Variants in CNIH1 observed in about 807,000 individuals in gnomAD.
The protein encoded by CNIH1 is cornichon family member 1.
A neutral mutation model predicts 20.2 loss-of-function variants in CNIH1; 12 were observed. The observed-to-expected ratio is 0.59, with a 90% CI of 0.38 to 0.96. The LOEUF is 0.96. Ranked by LOEUF, CNIH1 falls within the 40% of genes least tolerant of loss-of-function variation. The probability of loss-of-function intolerance (pLI) is 0.00; values close to 1 mark genes in which losing one functional copy is unlikely to be tolerated. For synonymous variants in CNIH1, 69 were observed against 63.3 expected (o/e 1.09, Z -0.43); for missense variants, 152 against 178.8 (o/e 0.85, Z 0.85).
chr14:54,435,259 C>A (rs1051484591), intron 2 of CNIH1, among the ~76,000 whole-genome samples: 3 of 151,994 alleles, frequency 2.0e-5, no homozygotes, highest in Non-Finnish European at 2.9e-5. Flanking sequence ...TACAAAAAAA[C>A]AAACTGGGTA....
chr14:54,433,578 A>C (rs2030991001), intron 2 of CNIH1, among the ~76,000 whole-genome samples: 1 of 152,216 alleles, frequency 6.6e-6, no homozygotes, highest in African/African-American at 2.4e-5. Flanking sequence ...GGACTCTGAA[A>C]CTCAAGGACT....
rs2030909839 is a variant in CNIH1 at position 54,430,366 on chromosome 14, T to C, written c.302A>G (p.Tyr101Cys). ...SRPVMSGPGL[Y>C]DPTTIMNADI... is the part of the protein sequence containing the mutation. Reference sequence around the variant, plus strand: ...TGCATTCATGATGGTTGTAGGGTCATAGAGTCCTGGGCCACTCATCACTGG... The same window carrying C: ...TGCATTCATGATGGTTGTAGGGTCACAGAGTCCTGGGCCACTCATCACTGG... The change falls in exon 4 of 5, where the codon TAT becomes TGT. Residue 101 changes from tyrosine to cysteine, a missense_variant. Transcript: ENST00000216416. 2 of 1,614,174 alleles carry C rather than the reference T, an allele frequency of 1.2e-6. No individual in the cohort carries two copies. The highest frequency in any genetic ancestry group is 1.7e-6 in the Non-Finnish European group (2 of 1,179,990).
chr14:54,433,041 G>A (rs747410555), intron 2 of CNIH1, among the ~76,000 whole-genome samples: 15 of 152,056 alleles, frequency 9.9e-5, no homozygotes, highest in Non-Finnish European at 2.1e-4. Flanking sequence ...AAATTAATTC[G>A]AGCAAAATGC....
Position 54,431,414 on chromosome 14 carries a change from C to T in CNIH1, c.263+694G>A, listed in dbSNP as rs548224716. Among the ~76,000 whole-genome samples, 3 of 152,334 alleles carry T rather than the reference C, an allele frequency of 2.0e-5. No individual in the cohort carries two copies. The South Asian group carries it at 6.2e-4, about 32-fold the overall frequency. On this transcript the variant is annotated intron_variant, in intron 3 of 4. Transcript: ENST00000216416. The stretch of plus-strand genomic sequence containing the variant: ...GTGCTGGGATTACAGGCGTGAGCCA[C>T]TGCGCCCGGCCAAGTACATTTTTTT...
At chr14:54,432,044 A>G (rs1594617022) in intron 3 of CNIH1, 64 bp downstream of exon 3, 4 of 778,746 alleles carry the variant, frequency 5.1e-6, no homozygotes, top group Non-Finnish European at 7.4e-6. Flanking sequence ...TAAGATAACC[A>G]TATCAACCAC....
At chr14:54,435,078 T>G (rs1427140592) in intron 2 of CNIH1, among the ~76,000 whole-genome samples, 1 of 152,238 alleles carries the variant, frequency 6.6e-6, no homozygotes, top group African/African-American at 2.4e-5. Flanking sequence ...AATTAAAATC[T>G]ACACAAACTC....
At chr14:54,438,019 A>G (rs1036929324) in intron 1 of CNIH1, among the ~76,000 whole-genome samples, 2 of 147,656 alleles carry the variant, frequency 1.4e-5, no homozygotes, top group Non-Finnish European at 3.0e-5. Context: ...TTACTCTGTC[A>G]CCCAGGCTGG....
intron 4 of CNIH1, 115 bp from the exon 5 acceptor site, chr14:54,427,956 T>A: frequency 2.0e-6 from 2 of 985,478 alleles, no homozygotes; most frequent in South Asian, 2.8e-5. Context: ...ATGACAAGAC[T>A]AATGACAAGT....
chr14:54,437,984 T>G (rs547829919), intron 1 of CNIH1, among the ~76,000 whole-genome samples: 19 of 152,046 alleles, frequency 1.2e-4, no homozygotes, highest in East Asian at 1.2e-3. Context: ...AAGGGTTTTT[T>G]TTTTTTTTTT....
intron 4 of CNIH1, among the ~76,000 whole-genome samples, chr14:54,429,649 C>T (rs1467912197): frequency 6.6e-6 from 1 of 152,114 alleles, no homozygotes; most frequent in East Asian, 1.9e-4. Flanking sequence ...ATCCCAGCTA[C>T]TCAGGAGGCT....
intron 4 of CNIH1, 139 bp downstream of exon 4, chr14:54,430,122 G>A (rs543957420): frequency 6.3e-4 from 534 of 841,062 alleles, no homozygotes; most frequent in Middle Eastern, 1.4e-3. Flanking sequence ...GAATGTGTGC[G>A]AATTTGCTGG....
At chr14:54,433,732 CAA>C (rs1226266189) in intron 2 of CNIH1, among the ~76,000 whole-genome samples, 3 of 152,082 alleles carry the variant, frequency 2.0e-5, no homozygotes, top group African/African-American at 4.8e-5. Flanking sequence ...ACCTAACAAA[CAA>C]ATCCTCATGC....
rs2030856327 is a variant in CNIH1 at position 54,427,834 on chromosome 14, A to G, written c.415T>C (p.Tyr139His). Residue 139 changes from tyrosine to histidine, a missense_variant, in exon 5 of 5, where the codon TAT becomes CAT. Tyr to His is a moderately conservative substitution (Grantham distance 83). Coordinates refer to ENST00000216416, the MANE Select transcript of CNIH1 (RefSeq NM_005776.3). ...AFFYYLYGMIYVLVSS is the reference protein window; with the variant it reads ...AFFYYLYGMIHVLVSS ...TTGTTCTAAGAGCTCACCAAAACAT[A>G]GATCATGCTGAAAAGAAGAAAAAAG... The G allele has an allele frequency of 2.5e-6, 4 of 1,613,562 alleles. No individual in the cohort carries two copies. The highest frequency in any genetic ancestry group is 1.7e-5 in the Admixed American group (1 of 60,002).
At chr14:54,428,065 C>A (rs974320019) in intron 4 of CNIH1, among the ~76,000 whole-genome samples, 9 of 152,104 alleles carry the variant, frequency 5.9e-5, no homozygotes, top group Non-Finnish European at 1.3e-4. Context: ...CCAATTTTAG[C>A]AAGTAGAACG....
Position 54,427,826 on chromosome 14 carries a change from C to G in CNIH1, c.423G>C (p.Leu141Phe). ...FYYLYGMIYVLVSS is the reference protein window; with the variant it reads ...FYYLYGMIYVFVSS ...TCTGTGTGTTGTTCTAAGAGCTCAC[C>G]AAAACATAGATCATGCTGAAAAGAA... The change falls in exon 5 of 5, where the codon TTG becomes TTC. Residue 141 changes from leucine to phenylalanine, a missense_variant. Physicochemically the swap from Leu to Phe is conservative, Grantham distance 22 (BLOSUM62 0). Around this residue, in one of 3 missense-constraint regions of CNIH1, gnomAD observed 28 missense variants for 22.8 expected, o/e 1.23. Transcript: ENST00000216416. 6.2e-7 allele frequency: 1 copy of G among 1,612,886 alleles called. No individual in the cohort carries two copies.
At position 54,427,808 on chromosome 14, in the gene CNIH1, G is replaced by A. The variant is rs774202383; in HGVS notation, c.*6C>T. 6.8e-6 allele frequency: 11 copies of A among 1,613,414 alleles called. 1 individual carries two copies. The highest frequency in any genetic ancestry group is 5.5e-5 in the South Asian group (5 of 91,022). The stretch of plus-strand genomic sequence containing the variant: ...CTTAACTGGACCAATTCTTCTGTGT[G>A]TTGTTCTAAGAGCTCACCAAAACAT... On this transcript the variant is annotated 3_prime_UTR_variant, in exon 5 of 5. Transcript: ENST00000216416.
In CNIH1 at chr14:54,425,607, A is replaced by T. The variant is rs2030812922; in HGVS notation, c.*2207T>A. On this transcript the variant is annotated 3_prime_UTR_variant, in exon 5 of 5. Transcript: ENST00000216416. ...ATTTCGTTTCTGCTTTCTCTTGGTA[A>T]GTGATCTAATTCATAAAACACTGAC... 6.6e-6 allele frequency: 1 copy of T among 152,198 alleles called. No individual in the cohort carries two copies. The highest frequency in any genetic ancestry group is 1.5e-5 in the Non-Finnish European group (1 of 68,020). The allele number at this position is 152,198 out of a possible 1,614,324, so 9.4% of individuals were successfully genotyped here. A position where few individuals can be genotyped will look rare whatever the true frequency, so the allele number is the denominator to read the frequency against.
At chr14:54,429,059 G>A (rs2030880969) in intron 4 of CNIH1, among the ~76,000 whole-genome samples, 1 of 152,080 alleles carries the variant, frequency 6.6e-6, no homozygotes. Flanking sequence ...CTCTCTAGTT[G>A]AGTATGTATT....
intron 4 of CNIH1, among the ~76,000 whole-genome samples, chr14:54,429,205 A>G (rs61985906): frequency 0.064 from 9,674 of 152,326 alleles, 525 homozygotes; most frequent in East Asian, 0.28. Context: ...CACCTACAAC[A>G]CACCTACAGC....
Sources: gnomAD v4.1 joint callset for allele counts (sites outside exome capture counted in the v4.1 genomes callset) on GRCh38, gnomAD v4.1.1 for gene constraint, gnomAD v4.1.1 regional missense constraint, MANE v1.5 for transcripts, NCBI Gene and HGNC (gene_info 2026-07-23, HGNC 2026-07-21) for gene names.